Variants in ESCO1 observed in about 807,000 individuals in gnomAD.
The protein encoded by ESCO1 is N-acetyltransferase ESCO1.
In ESCO1, 33 loss-of-function variants were observed where a neutral mutation model predicts 83.5. That is an observed-to-expected ratio of 0.40 (90% CI 0.30 to 0.53). The LOEUF is 0.53. ESCO1 is among the 20% of genes least tolerant of loss of function. The pLI, the probability that ESCO1 is intolerant of heterozygous loss-of-function variation, is 0.63. For synonymous variants in ESCO1, 332 were observed against 324.3 expected (o/e 1.02, Z -0.25); for missense variants, 855 against 968.0 (o/e 0.88, Z 1.55).
intron 7 of ESCO1, among the ~76,000 whole-genome samples, chr18:21,562,812 T>C (rs540415389): frequency 6.6e-5 from 10 of 152,224 alleles, no homozygotes; most frequent in Non-Finnish European, 1.3e-4. Flanking sequence ...AACTTTAAAA[T>C]AATAATGTAT....
chr18:21,535,020 A>G (rs1003686323), intron 10 of ESCO1, among the ~76,000 whole-genome samples: 4 of 152,098 alleles, frequency 2.6e-5, no homozygotes, highest in African/African-American at 9.7e-5. Context: ...TTTGTAGTAC[A>G]AAAGTAGCCA....
chr18:21,576,849 A>G (rs549520947), intron 2 of ESCO1, among the ~76,000 whole-genome samples: 1 of 152,182 alleles, frequency 6.6e-6, no homozygotes, highest in East Asian at 1.9e-4. Context: ...CCTGGCCAAG[A>G]TGATGAAACC....
intron 1 of ESCO1, chr18:21,593,033 G>A (rs2038704505): frequency 6.2e-6 from 1 of 161,742 alleles, no homozygotes; most frequent in Non-Finnish European, 1.4e-5. Flanking sequence ...TAGATGGGAT[G>A]GCGGCCGGGA....
chr18:21,549,266 A>G (rs1296602552), intron 8 of ESCO1, among the ~76,000 whole-genome samples: 1 of 152,210 alleles, frequency 6.6e-6, no homozygotes, highest in Non-Finnish European at 1.5e-5. Flanking sequence ...GACTACAGAA[A>G]TCTACTTTAG....
intron 7 of ESCO1, among the ~76,000 whole-genome samples, chr18:21,561,446 G>A (rs928825150): frequency 5.9e-5 from 9 of 152,064 alleles, no homozygotes; most frequent in Admixed American, 5.2e-4. Flanking sequence ...TTTTTGTTTT[G>A]AGACAAGGTC....
chr18:21,597,324 C>T (rs1318652), intron 1 of ESCO1, among the ~76,000 whole-genome samples: 126,959 of 152,018 alleles, frequency 0.84, 53,140 homozygotes, highest in East Asian at 0.97. Context: ...ATCACCATTC[C>T]TTCACTAACT....
intron 8 of ESCO1, among the ~76,000 whole-genome samples, chr18:21,559,104 C>T (rs2038150080): frequency 6.6e-6 from 1 of 152,132 alleles, no homozygotes; most frequent in Non-Finnish European, 1.5e-5. Context: ...TATAGAATAC[C>T]ACAATGTTTT....
In ESCO1 at chr18:21,573,518, C is replaced by G; in HGVS notation, c.1326G>C (p.Lys442Asn). 1 of 1,613,704 alleles carries G rather than the reference C, an allele frequency of 6.2e-7. No homozygotes were observed. The highest frequency in any genetic ancestry group is 8.5e-7 in the Non-Finnish European group (1 of 1,179,902). Residue 442 changes from lysine (K) to asparagine (N), a missense_variant, in exon 4 of 12, where the codon AAG becomes AAC. By Grantham distance (94) the Lys-to-Asn change is moderately conservative. Transcript: ENST00000269214. The stretch of plus-strand genomic sequence containing the variant: ...GGCAAGTTATATTTCTATCATGTAG[C>G]TTTGTCCCTAAAAACGTACTTTGAG... ...PVTQSTFLGT[K>N]LHDRNITCQQ...
At chr18:21,571,425 G>A (rs1393233065) in intron 4 of ESCO1, among the ~76,000 whole-genome samples, 1 of 152,082 alleles carries the variant, frequency 6.6e-6, no homozygotes, top group African/African-American at 2.4e-5. Context: ...CTGACCTCAG[G>A]TGATCCAACT....
chr18:21,532,019 G>C (rs1386146906), intron 11 of ESCO1, among the ~76,000 whole-genome samples: 1 of 151,618 alleles, frequency 6.6e-6, no homozygotes, highest in Non-Finnish European at 1.5e-5. Context: ...ATTTTTCTGA[G>C]TGTCCCTTTG....
At chr18:21,570,168 G>A (rs1464886777) in intron 4 of ESCO1, among the ~76,000 whole-genome samples, 2 of 152,176 alleles carry the variant, frequency 1.3e-5, no homozygotes, top group South Asian at 2.1e-4. Context: ...AATGATCACA[G>A]CTCACTGCAG....
At chr18:21,547,150 T>G (rs76114885) in intron 8 of ESCO1, among the ~76,000 whole-genome samples, 3,815 of 152,280 alleles carry the variant, frequency 0.025, 171 homozygotes, top group African/African-American at 0.085. Context: ...TATAATACCC[T>G]GTATATCCTA....
rs760745808 is a variant in ESCO1 at position 21,573,352 on chromosome 18, T to A, written c.1492A>T (p.Asn498Tyr). The change falls in exon 4 of 12, where the codon AAT becomes TAT. Residue 498 changes from asparagine to tyrosine, a missense_variant. Coordinates refer to ENST00000269214, the MANE Select transcript of ESCO1 (RefSeq NM_052911.3). ...GAATCAAAAGAATGTTTCATCTGAT[T>A]ATCCAATGGTGGGTCAGAAGGTTTT... ...EIKPSDPPLD[N>Y]QMKHSFDSAS... 5 of 1,585,518 alleles carry A rather than the reference T, an allele frequency of 3.2e-6. No individual in the cohort carries two copies. Among genetic ancestry groups the A allele is most frequent in the Non-Finnish European group, 4.3e-6 (5 of 1,173,030 alleles).
intron 2 of ESCO1, among the ~76,000 whole-genome samples, chr18:21,579,231 TG>T (rs1398599672): frequency 6.6e-6 from 1 of 151,782 alleles, no homozygotes; most frequent in Non-Finnish European, 1.5e-5. Flanking sequence ...TGGCCTCAAG[TG>T]ATCCACCCAC....
chr18:21,567,667 A>T (rs1432357965), intron 5 of ESCO1, among the ~76,000 whole-genome samples: 3 of 152,234 alleles, frequency 2.0e-5, no homozygotes, highest in Non-Finnish European at 2.9e-5. Context: ...CTTAAGAAAT[A>T]AGCTGCTACC....
At chr18:21,533,716 AAC>A (rs1377256325) in intron 10 of ESCO1, among the ~76,000 whole-genome samples, 2 of 152,208 alleles carry the variant, frequency 1.3e-5, no homozygotes, top group African/African-American at 4.8e-5. Flanking sequence ...GAACCTTAAA[AAC>A]ACAATAGTTC....
intron 2 of ESCO1, among the ~76,000 whole-genome samples, chr18:21,577,551 T>C (rs1329615228): frequency 6.7e-6 from 1 of 148,214 alleles, no homozygotes; most frequent in Non-Finnish European, 1.5e-5. Flanking sequence ...TACCAGCTAC[T>C]GGGGAGGCTG....
At chr18:21,572,596 AC>A (rs2038354940) in intron 4 of ESCO1, among the ~76,000 whole-genome samples, 2 of 152,272 alleles carry the variant, frequency 1.3e-5, no homozygotes, top group East Asian at 1.9e-4. Context: ...AAAATGTTTA[AC>A]TTTTAAATTA....
chr18:21,567,617 A>ATCTT (rs2038280428), intron 5 of ESCO1, among the ~76,000 whole-genome samples: 1 of 152,248 alleles, frequency 6.6e-6, no homozygotes, highest in Non-Finnish European at 1.5e-5. Flanking sequence ...TAAGGGTTAA[A>ATCTT]GATAAGAACC....
Sources: allele counts gnomAD v4.1 joint callset (sites outside exome capture counted in the v4.1 genomes callset), GRCh38; gene constraint gnomAD v4.1.1; transcripts MANE v1.5; gene names NCBI Gene and HGNC (gene_info 2026-07-23, HGNC 2026-07-21).